The following SPAG16 variants were observed in gnomAD, a reference collection of about 807,000 sequenced individuals.
The protein encoded by SPAG16 is sperm-associated antigen 16 protein.
In SPAG16, 86 loss-of-function variants were observed where a neutral mutation model predicts 80.4. That is an observed-to-expected ratio of 1.07 (90% CI 0.90 to 1.28). SPAG16 has a LOEUF of 1.28. SPAG16 is among the 50% of genes most tolerant of loss of function. SPAG16 has a pLI of 0.00. For missense variants in SPAG16, 870 were observed against 765.3 expected, an observed-to-expected ratio of 1.14 and a Z score of -1.61; for synonymous variants, 294 against 265.9, an observed-to-expected ratio of 1.11 and a Z score of -1.03.
chr2:214,204,415 C>T (rs944612755), intron 15 of SPAG16, among the ~76,000 whole-genome samples: 44 of 152,248 alleles, frequency 2.9e-4, no homozygotes, highest in African/African-American at 9.4e-4. Context: ...CAAGGACCCT[C>T]AGAGTCCACT....
chr2:214,317,656 C>T (rs138870931), intron 15 of SPAG16, among the ~76,000 whole-genome samples: 429 of 152,318 alleles, frequency 2.8e-3, no homozygotes, highest in Non-Finnish European at 4.9e-3. Flanking sequence ...ATCAGTTTAA[C>T]AATGTCAGGG....
At position 213,336,958 on chromosome 2, in the gene SPAG16, G is replaced by A. The variant is rs560958537; in HGVS notation, c.537-3205G>A. Among the ~76,000 whole-genome samples the A allele has an allele frequency of 2.0e-4, 30 of 152,268 alleles. No individual in the cohort carries two copies. The South Asian group carries it at 5.4e-3, about 27-fold the overall frequency. ...ACAGGAGTCCACAGATAACTCATATGGGAGAATTCCAACTGGCATCAGGTT... is the reference window on the plus strand; with the variant it reads ...ACAGGAGTCCACAGATAACTCATATAGGAGAATTCCAACTGGCATCAGGTT... On this transcript the variant is annotated intron_variant, in intron 5 of 15. Coordinates refer to ENST00000331683, the MANE Select transcript of SPAG16 (RefSeq NM_024532.5).
At chr2:214,278,133 T>C (rs1187230173) in intron 15 of SPAG16, among the ~76,000 whole-genome samples, 1 of 152,148 alleles carries the variant, frequency 6.6e-6, no homozygotes, top group East Asian at 1.9e-4. Flanking sequence ...AGGCGCAGGA[T>C]GTAATCCCCT....
intron 15 of SPAG16, among the ~76,000 whole-genome samples, chr2:214,269,797 T>C (rs940911016): frequency 5.9e-5 from 9 of 152,088 alleles, no homozygotes; most frequent in African/African-American, 2.2e-4. Context: ...GTGAGAAGAA[T>C]CTATCTTGAG....
chr2:213,737,466 T>A (rs1185199505), intron 10 of SPAG16, among the ~76,000 whole-genome samples: 1 of 151,110 alleles, frequency 6.6e-6, no homozygotes, highest in Non-Finnish European at 1.5e-5. Flanking sequence ...ACCAACTTTT[T>A]TTCTCCTTAC....
At chr2:213,442,188 G>A (rs2071013008) in intron 9 of SPAG16, among the ~76,000 whole-genome samples, 2 of 152,104 alleles carry the variant, frequency 1.3e-5, no homozygotes, top group Admixed American at 6.6e-5. Flanking sequence ...ATTTAGATTG[G>A]CACCCCCAAA....
chr2:214,015,475 G>C (rs1039446092), intron 13 of SPAG16, among the ~76,000 whole-genome samples: 1 of 151,946 alleles, frequency 6.6e-6, no homozygotes, highest in African/African-American at 2.4e-5. Context: ...GTGCATGCCT[G>C]TAATCCCAGC....
At chr2:213,547,448 A>T (rs550953077) in intron 10 of SPAG16, among the ~76,000 whole-genome samples, 1 of 152,290 alleles carries the variant, frequency 6.6e-6, no homozygotes, top group African/African-American at 2.4e-5. Context: ...CATTTAAAAG[A>T]GCTCTTAAAT....
chr2:214,220,331 T>C (rs561240644), intron 15 of SPAG16, among the ~76,000 whole-genome samples: 3 of 152,122 alleles, frequency 2.0e-5, no homozygotes, highest in Non-Finnish European at 4.4e-5. Flanking sequence ...TAAAAACTTG[T>C]TTTGGACTTC....
At chr2:214,070,149 A>C (rs2050722650) in intron 13 of SPAG16, among the ~76,000 whole-genome samples, 1 of 151,722 alleles carries the variant, frequency 6.6e-6, no homozygotes, top group Admixed American at 6.6e-5. Flanking sequence ...TTTCCTTGCA[A>C]CAAGTATTTT....
At chr2:213,966,240 T>C (rs542621974) in intron 12 of SPAG16, among the ~76,000 whole-genome samples, 7 of 152,178 alleles carry the variant, frequency 4.6e-5, no homozygotes, top group Admixed American at 3.3e-4. Flanking sequence ...TGAGAACAAT[T>C]GTAACTCAAT....
chr2:214,232,278 T>G (rs762900485), intron 15 of SPAG16, among the ~76,000 whole-genome samples: 7 of 151,886 alleles, frequency 4.6e-5, no homozygotes, highest in Non-Finnish European at 1.0e-4. Flanking sequence ...TCTCAGAGAG[T>G]ATAGTATCTT....
chr2:213,875,170 C>G (rs1336897864), intron 11 of SPAG16, among the ~76,000 whole-genome samples: 1 of 151,710 alleles, frequency 6.6e-6, no homozygotes, highest in Admixed American at 6.6e-5. Flanking sequence ...AACTCCTGGC[C>G]TCATGGGATC....
intron 14 of SPAG16, among the ~76,000 whole-genome samples, chr2:214,125,239 T>C (rs1325669354): frequency 6.6e-6 from 1 of 151,624 alleles, no homozygotes; most frequent in Non-Finnish European, 1.5e-5. Flanking sequence ...GATACTGGAA[T>C]TGGCTGCAGT....
At chr2:214,276,842 T>A (rs1020589221) in intron 15 of SPAG16, among the ~76,000 whole-genome samples, 1 of 152,218 alleles carries the variant, frequency 6.6e-6, no homozygotes, top group African/African-American at 2.4e-5. Context: ...TGGCCTGCCT[T>A]ACTAGGTTGG....
chr2:214,091,989 A>T (rs191755068), intron 13 of SPAG16, among the ~76,000 whole-genome samples: 4 of 152,280 alleles, frequency 2.6e-5, no homozygotes, highest in Admixed American at 2.0e-4. Context: ...GTACAATACA[A>T]TACCTACTTC....
At position 213,387,429 on chromosome 2, in the gene SPAG16, CTCTTTTTTTTTTTT is replaced by C. The variant is rs1225322108; in HGVS notation, c.942+12312_942+12325del. ...TTTTTGGGTTGGAATGAAATGCATG[CTCTTTTTTTTTTTT>C]TTTTTTTTTTTTTTTTTGAGACAGA... On this transcript the variant is annotated intron_variant, in intron 9 of 15. Coordinates refer to ENST00000331683, the MANE Select transcript of SPAG16 (RefSeq NM_024532.5). 2.2e-4 allele frequency among the ~76,000 whole-genome samples: 16 copies of C among 71,760 alleles called. 1 individual carries two copies. The highest frequency in any genetic ancestry group is 9.5e-4 in the African/African-American group (16 of 16,822). 47.1% of individuals were successfully genotyped at this position (71,760 alleles called of 152,430 possible). A position where few individuals can be genotyped will look rare whatever the true frequency, so the allele number is the denominator to read the frequency against.
intron 9 of SPAG16, among the ~76,000 whole-genome samples, chr2:213,400,316 A>T (rs1440013762): frequency 6.6e-6 from 1 of 152,176 alleles, no homozygotes; most frequent in Non-Finnish European, 1.5e-5. Context: ...TTTCAACTGC[A>T]TCCCACAGAT....
chr2:214,147,409 C>T (rs1028089150), intron 14 of SPAG16, among the ~76,000 whole-genome samples: 5 of 152,078 alleles, frequency 3.3e-5, no homozygotes, highest in Non-Finnish European at 7.4e-5. Flanking sequence ...TCCATAGACT[C>T]CAGACAATGA....
Sources: gnomAD v4.1 joint callset for allele counts (sites outside exome capture counted in the v4.1 genomes callset) on GRCh38, gnomAD v4.1.1 for gene constraint, MANE v1.5 for transcripts, NCBI Gene and HGNC (gene_info 2026-07-23, HGNC 2026-07-21) for gene names.